FGF14: variants seen among roughly 807,000 people sequenced by gnomAD.
FGF14 encodes the protein fibroblast growth factor homologous factor 4.
FGF14 carries 5 observed loss-of-function variants against 25.5 expected under a neutral mutation model. That is an observed-to-expected ratio of 0.20 (90% CI 0.10 to 0.41). The LOEUF (loss-of-function observed/expected upper bound fraction) is 0.41, where lower values mean the gene tolerates loss of function less well. Ranked by LOEUF, FGF14 falls within the 10% of genes least tolerant of loss-of-function variation. The pLI is 1.00. For missense variants in FGF14, 222 were observed against 320.1 expected (o/e 0.69, Z 2.34); for synonymous variants, 138 against 118.3 (o/e 1.17, Z -1.08).
At chr13:102,353,946 A>T (rs2057357894) in intron 1 of FGF14, among the ~76,000 whole-genome samples, 1 of 152,178 alleles carries the variant, frequency 6.6e-6, no homozygotes, top group Admixed American at 6.5e-5. Context: ...CTGAGCCTAC[A>T]TTCACCATGT....
chr13:101,892,573 G>A (rs189515525), intron 1 of FGF14, among the ~76,000 whole-genome samples: 4 of 152,216 alleles, frequency 2.6e-5, no homozygotes, highest in African/African-American at 9.6e-5. Flanking sequence ...AGTGTTATAT[G>A]GCTAAAGGGA....
At chr13:101,738,058 C>T (rs1488415212) in intron 3 of FGF14, among the ~76,000 whole-genome samples, 1 of 152,006 alleles carries the variant, frequency 6.6e-6, no homozygotes, top group Non-Finnish European at 1.5e-5. Context: ...TCTGATTGAG[C>T]TTTTTGATTT....
intron 1 of FGF14, among the ~76,000 whole-genome samples, chr13:101,979,541 C>T (rs2038124630): frequency 6.6e-6 from 1 of 152,132 alleles, no homozygotes. Context: ...ACATCAGGTC[C>T]CCATCATTCC....
At chr13:101,891,819 G>T (rs757055309) in intron 1 of FGF14, among the ~76,000 whole-genome samples, 1 of 152,068 alleles carries the variant, frequency 6.6e-6, no homozygotes. Flanking sequence ...CTAGGTTTTT[G>T]ATCCAAGCTG....
chr13:101,734,632 A>T (rs2036047530), intron 3 of FGF14, among the ~76,000 whole-genome samples: 1 of 152,134 alleles, frequency 6.6e-6, no homozygotes, highest in Admixed American at 6.5e-5. Context: ...CCTCAATATT[A>T]ACAATAATAA....
rs1273730051 is a variant in FGF14, at chr13:101,712,314, C to T, written c.*10517G>A. 9 of 152,076 alleles carry T rather than the reference C, an allele frequency of 5.9e-5. No homozygotes were observed. The highest frequency in any genetic ancestry group is 3.9e-4 in the East Asian group (2 of 5,178). The allele number at this position is 152,076 out of a possible 1,614,324, so 9.4% of individuals were successfully genotyped here. ...TCATTTTTTATTCTAAGTATTTCAGCGACTAGTAGACTTTCAGAACTGGAA... is the reference window on the plus strand; with the variant it reads ...TCATTTTTTATTCTAAGTATTTCAGTGACTAGTAGACTTTCAGAACTGGAA... On this transcript the variant is annotated 3_prime_UTR_variant, in exon 5 of 5. Transcript: ENST00000376143.
Position 101,726,605 on chromosome 13 carries a change from TACTC to T in FGF14, c.607+3_607+6del. 1 of 1,612,344 alleles carries T rather than the reference TACTC, an allele frequency of 6.2e-7. No homozygotes were observed. The stretch of plus-strand genomic sequence containing the variant: ...CTATGTAATAATAATGCATGCATAA[TACTC>T]ACCTTCCAATGGCTTGGGTAGAAAA... On this transcript the variant is annotated splice_donor_5th_base_variant and intron_variant, in intron 4 of 4. Transcript: ENST00000376143.
intron 1 of FGF14, among the ~76,000 whole-genome samples, chr13:102,033,549 T>A (rs1036593074): frequency 2.0e-5 from 3 of 152,044 alleles, no homozygotes; most frequent in Admixed American, 1.3e-4. Context: ...ACCATAAATT[T>A]CAGAGACTTA....
At chr13:101,977,707 G>A (rs1465085906) in intron 1 of FGF14, among the ~76,000 whole-genome samples, 1 of 152,062 alleles carries the variant, frequency 6.6e-6, no homozygotes, top group South Asian at 2.1e-4. Context: ...CATCACAGAC[G>A]GCAGATTGGC....
chr13:102,160,620 T>A (rs2047579567), intron 1 of FGF14, among the ~76,000 whole-genome samples: 2 of 151,892 alleles, frequency 1.3e-5, no homozygotes, highest in Admixed American at 6.6e-5. Context: ...GGAACACCAC[T>A]CAGTCGGCTT....
chr13:101,787,877 T>C (rs1191437006), intron 3 of FGF14, among the ~76,000 whole-genome samples: 2 of 152,134 alleles, frequency 1.3e-5, no homozygotes, highest in Non-Finnish European at 2.9e-5. Flanking sequence ...TTTTAATTTA[T>C]GTATTTATTT....
rs368830586 is a variant in FGF14, at chr13:101,783,092, C to T, written c.409-56282G>A. Among the ~76,000 whole-genome samples the T allele has an allele frequency of 1.1e-4, 17 of 152,120 alleles. No individual in the cohort carries two copies. In the East Asian group the frequency reaches 1.2e-3, roughly 10 times the overall value. On this transcript the variant is annotated intron_variant, in intron 3 of 4. Coordinates refer to ENST00000376143, the MANE Select transcript of FGF14 (RefSeq NM_004115.4). ...CTCTGACTGGTATTAGATGGTATCT[C>T]ATTGTGGTTTTGATTTGCATTTCTC...
chr13:101,894,600 T>C (rs922751229), intron 1 of FGF14, among the ~76,000 whole-genome samples: 2 of 152,196 alleles, frequency 1.3e-5, no homozygotes, highest in African/African-American at 4.8e-5. Flanking sequence ...AGGCTCTTTA[T>C]AGCATGTTAT....
intron 1 of FGF14, among the ~76,000 whole-genome samples, chr13:102,174,354 A>C (rs1287147543): frequency 1.3e-5 from 2 of 150,670 alleles, no homozygotes; most frequent in Non-Finnish European, 3.0e-5. Flanking sequence ...TTTAGTACAG[A>C]CAAGGTTTCA....
chr13:102,351,288 G>GA (rs948167744), intron 1 of FGF14, among the ~76,000 whole-genome samples: 43 of 146,300 alleles, frequency 2.9e-4, no homozygotes, highest in South Asian at 4.4e-4. Flanking sequence ...AATCATAACA[G>GA]AAAAAAAAAA....
chr13:102,240,936 T>C (rs2051567937), intron 1 of FGF14, among the ~76,000 whole-genome samples: 1 of 152,018 alleles, frequency 6.6e-6, no homozygotes, highest in African/African-American at 2.4e-5. Flanking sequence ...TTCAAATCAT[T>C]AGGAGAAAAG....
intron 3 of FGF14, among the ~76,000 whole-genome samples, chr13:101,766,580 T>C (rs2038408275): frequency 6.6e-6 from 1 of 152,052 alleles, no homozygotes; most frequent in South Asian, 2.1e-4. Flanking sequence ...AGTGGAGAAG[T>C]TGAGTAATAT....
chr13:101,875,362 G>T, intron 1 of FGF14, 66 bp from the exon 2 acceptor site: 1 of 1,117,134 alleles, frequency 9.0e-7, no homozygotes, highest in Non-Finnish European at 1.4e-6. Context: ...TATCTTTTCT[G>T]TTTCTCTTTC....
intron 1 of FGF14, among the ~76,000 whole-genome samples, chr13:102,226,325 G>A (rs779782531): frequency 8.5e-5 from 13 of 152,154 alleles, no homozygotes; most frequent in African/African-American, 1.4e-4. Flanking sequence ...AGAGTGTTGT[G>A]AGGATTCTAG....
Sources: gnomAD v4.1 joint callset for allele counts (sites outside exome capture counted in the v4.1 genomes callset) on GRCh38, gnomAD v4.1.1 for gene constraint, MANE v1.5 for transcripts, NCBI Gene and HGNC (gene_info 2026-07-23, HGNC 2026-07-21) for gene names.